The following SAMD12 variants were observed in gnomAD, a reference collection of about 807,000 sequenced individuals.
SAMD12 encodes sterile alpha motif domain-containing protein 12.
Under a neutral mutation model 15.0 loss-of-function variants are expected in SAMD12, and 9 were observed. The observed-to-expected ratio is 0.60, with a 90% CI of 0.36 to 1.05. The LOEUF is 1.05. SAMD12 is among the 50% of genes least tolerant of loss of function. The pLI, the probability that SAMD12 is intolerant of heterozygous loss-of-function variation, is 0.01. For synonymous variants in SAMD12, 86 were observed against 90.1 expected, an observed-to-expected ratio of 0.96 and a Z score of 0.25; for missense variants, 230 against 234.2, an observed-to-expected ratio of 0.98 and a Z score of 0.12.
At chr8:118,169,587 C>G in the SAMD12 span, among the ~76,000 whole-genome samples, 1 of 152,104 alleles carries the variant, frequency 6.6e-6, no homozygotes, top group Non-Finnish European at 1.5e-5. Flanking sequence ...GGTTCAGGAC[C>G]ACTTGTAGTC....
At chr8:118,303,070 C>T (rs1425410098) in intron 4 of SAMD12, among the ~76,000 whole-genome samples, 1 of 152,140 alleles carries the variant, frequency 6.6e-6, no homozygotes, top group Non-Finnish European at 1.5e-5. Flanking sequence ...CATCAAAGAC[C>T]CAGAATGCTC....
At chr8:118,553,337 T>C (rs1826409789) in intron 2 of SAMD12, among the ~76,000 whole-genome samples, 1 of 151,950 alleles carries the variant, frequency 6.6e-6, no homozygotes, top group African/African-American at 2.4e-5. Flanking sequence ...AACAGAGATA[T>C]AGATCAATGG....
At chr8:118,303,810 G>A (rs1240833555) in intron 4 of SAMD12, among the ~76,000 whole-genome samples, 1 of 152,168 alleles carries the variant, frequency 6.6e-6, no homozygotes, top group African/African-American at 2.4e-5. Flanking sequence ...AGCAAAGGAA[G>A]AAATGCAGAA....
chr8:118,203,926 T>TG (rs397710784), intron 4 of SAMD12, among the ~76,000 whole-genome samples: 5 of 152,024 alleles, frequency 3.3e-5, no homozygotes, highest in East Asian at 3.9e-4. Context: ...CTTTTTTTTT[T>TG]GTTTGTTTCT....
chr8:118,253,390 A>T (rs545043460), intron 4 of SAMD12, among the ~76,000 whole-genome samples: 16 of 152,348 alleles, frequency 1.1e-4, no homozygotes, highest in African/African-American at 3.8e-4. Flanking sequence ...CCATGATTAA[A>T]TAAATTATCT....
At chr8:118,491,633 T>C (rs1436487407) in intron 2 of SAMD12, among the ~76,000 whole-genome samples, 1 of 152,190 alleles carries the variant, frequency 6.6e-6, no homozygotes, top group Non-Finnish European at 1.5e-5. Context: ...GTAACTTCTA[T>C]TTTATTTTCT....
chr8:118,402,954 C>G (rs902973462), intron 3 of SAMD12, among the ~76,000 whole-genome samples: 1 of 152,130 alleles, frequency 6.6e-6, no homozygotes, highest in Non-Finnish European at 1.5e-5. Context: ...AATAGAGAAG[C>G]CAGCCAGAAT....
chr8:118,399,842 T>C (rs1031111154), intron 3 of SAMD12, among the ~76,000 whole-genome samples: 10 of 152,226 alleles, frequency 6.6e-5, no homozygotes, highest in African/African-American at 2.4e-4. Flanking sequence ...TTGTTTGTGA[T>C]GGTTTTAAAA....
chr8:118,188,057 G>C (rs546953511), downstream of SAMD12, among the ~76,000 whole-genome samples: 7 of 151,984 alleles, frequency 4.6e-5, no homozygotes, highest in South Asian at 1.5e-3. Flanking sequence ...GAGAGAGAGA[G>C]AGGAAGAGAG....
intron 4 of SAMD12, among the ~76,000 whole-genome samples, chr8:118,254,753 C>T (rs549687900): frequency 6.6e-6 from 1 of 152,034 alleles, no homozygotes; most frequent in Non-Finnish European, 1.5e-5. Flanking sequence ...CAGGACTTGT[C>T]CCTCCTTGAT....
At chr8:118,460,248 CT>C (rs1421681557) in intron 2 of SAMD12, among the ~76,000 whole-genome samples, 1 of 152,130 alleles carries the variant, frequency 6.6e-6, no homozygotes, top group Non-Finnish European at 1.5e-5. Flanking sequence ...TGGCATTGTA[CT>C]GTTTGATGGG....
chr8:118,149,243 A>AAAAACT, the SAMD12 span, among the ~76,000 whole-genome samples: 2 of 152,240 alleles, frequency 1.3e-5, no homozygotes. Flanking sequence ...CTGGGATTAC[A>AAAAACT]GGCATGAGCC....
chr8:118,479,660 T>C (rs1824067773), intron 2 of SAMD12, among the ~76,000 whole-genome samples: 2 of 152,184 alleles, frequency 1.3e-5, no homozygotes, highest in Admixed American at 6.5e-5. Flanking sequence ...TCATAGCTAA[T>C]TCTTTTTCAA....
chr8:118,502,667 C>T lies in SAMD12; in HGVS notation c.193-62706G>A, dbSNP rs1824817910. 2.0e-5 allele frequency among the ~76,000 whole-genome samples: 3 copies of T among 152,304 alleles called. No individual in the cohort carries two copies. The South Asian group carries it at 6.2e-4, about 32-fold the overall frequency. ...GTAAAATTAAATTCAAAGCAAACAT[C>T]TGTTGAACTCCTCAGCCACCGCTAT... On this transcript the variant is annotated intron_variant, in intron 2 of 3. Transcript: ENST00000314727.
At chr8:118,245,564 A>G (rs939525114) in intron 4 of SAMD12, among the ~76,000 whole-genome samples, 1 of 152,168 alleles carries the variant, frequency 6.6e-6, no homozygotes, top group Non-Finnish European at 1.5e-5. Context: ...AACATTTCAT[A>G]GAGTGAAGAA....
At chr8:118,275,160 T>G (rs991062086) in intron 4 of SAMD12, among the ~76,000 whole-genome samples, 46 of 152,188 alleles carry the variant, frequency 3.0e-4, no homozygotes, top group Non-Finnish European at 7.4e-5. Context: ...TGTTAAAAAT[T>G]TATCATGAAT....
intron 2 of SAMD12, among the ~76,000 whole-genome samples, chr8:118,488,864 A>C (rs1486160535): frequency 6.6e-6 from 1 of 152,178 alleles, no homozygotes; most frequent in Non-Finnish European, 1.5e-5. Flanking sequence ...CTCTTGGGTA[A>C]ATACCTAGGA....
Position 118,378,228 on chromosome 8 carries a change from A to T in SAMD12, c.*1189T>A. The T allele has an allele frequency of 5.7e-6, 1 of 175,718 alleles. No individual in the cohort carries two copies. The highest frequency in any genetic ancestry group is 1.1e-5 in the Non-Finnish European group (1 of 89,538). The allele number at this position is 175,718 out of a possible 1,614,324, so 10.9% of individuals were successfully genotyped here. ...TACTGAATCTTATGAATTTAAGCAG[A>T]ATTACTTGATTCTTTTCACATTGCT... is the stretch of plus-strand genomic sequence containing the variant. On this transcript the variant is annotated 3_prime_UTR_variant, in exon 4 of 4. Coordinates refer to ENST00000314727, the MANE Select transcript of SAMD12 (RefSeq NM_207506.3).
intron 2 of SAMD12, among the ~76,000 whole-genome samples, chr8:118,440,853 A>ATTTGGT (rs1335673787): frequency 1.3e-5 from 2 of 152,068 alleles, no homozygotes; most frequent in African/African-American, 4.8e-5. Context: ...GATCCCAGGA[A>ATTTGGT]TTTGGTTTTA....
Sources: gnomAD v4.1 joint callset for allele counts (sites outside exome capture counted in the v4.1 genomes callset) on GRCh38, gnomAD v4.1.1 for gene constraint, MANE v1.5 for transcripts, NCBI Gene and HGNC (gene_info 2026-07-23, HGNC 2026-07-21) for gene names.